The following DARS1 variants were observed in gnomAD, a reference collection of about 807,000 sequenced individuals.
DARS1 encodes the protein aspartate--tRNA ligase, cytoplasmic.
Under a neutral mutation model 68.8 loss-of-function variants are expected in DARS1, and 51 were observed. The observed-to-expected ratio is 0.74, with a 90% confidence interval of 0.59 to 0.94. The LOEUF (loss-of-function observed/expected upper bound fraction) is 0.94, where lower values mean the gene tolerates loss of function less well. DARS1 is among the 40% of genes least tolerant of loss of function. DARS1 has a pLI of 0.00. For missense variants in DARS1, 607 were observed against 597.3 expected, an observed-to-expected ratio of 1.02 and a Z score of -0.17; for synonymous variants, 203 against 190.4, an observed-to-expected ratio of 1.07 and a Z score of -0.55.
Position 135,943,414 on chromosome 2 carries a change from G to A in DARS1, c.387C>T (p.Ser129=). ...GTAACTCAACGTCTTGCTGTGTACA[G>A]CTTCCAATTTTCTGATTCACTTTTC... is the stretch of plus-strand genomic sequence containing the variant. ...VVRKVNQKIG[S]CTQQDVELHV... The change falls in exon 5 of 16, where the codon AGC becomes AGT. Residue 129 remains serine (S), a synonymous_variant. Coordinates refer to ENST00000264161, the MANE Select transcript of DARS1 (RefSeq NM_001349.4). 1 of 1,613,614 alleles carries A rather than the reference G, an allele frequency of 6.2e-7. No homozygotes were observed. Among genetic ancestry groups the A allele is most frequent in the Non-Finnish European group, 8.5e-7 (1 of 1,179,802 alleles).
chr2:135,961,739 A>G (rs1350951245), intron 3 of DARS1, among the ~76,000 whole-genome samples: 2 of 152,260 alleles, frequency 1.3e-5, no homozygotes, highest in Non-Finnish European at 2.9e-5. Flanking sequence ...TTGTTATAAG[A>G]ACACAGGCAA....
At position 135,911,170 on chromosome 2, in the gene DARS1, A is replaced by G. The variant is rs748406263; in HGVS notation, c.1383T>C (p.Phe461=). ...CTCCACCAGCATGAGGAGGGGCTCC[A>G]AAGCGGAAGGAATCAATGTAAGCCT... ...KIKAYIDSFR[F]GAPPHAGGGI... The change falls in exon 15 of 16, where the codon TTT becomes TTC. Residue 461 remains phenylalanine, a synonymous_variant. Transcript: ENST00000264161. The G allele has an allele frequency of 1.9e-6, 3 of 1,552,242 alleles. No individual in the cohort carries two copies. Among genetic ancestry groups the G allele is most frequent in the Non-Finnish European group, 2.7e-6 (3 of 1,124,068 alleles).
At chr2:135,950,164 G>A (rs1420394312) in intron 4 of DARS1, among the ~76,000 whole-genome samples, 1 of 152,084 alleles carries the variant, frequency 6.6e-6, no homozygotes, top group African/African-American at 2.4e-5. Flanking sequence ...CTCCCACTTT[G>A]TTGTGTATGA....
chr2:135,929,355 G>A (rs1263793727), intron 7 of DARS1, among the ~76,000 whole-genome samples: 1 of 152,094 alleles, frequency 6.6e-6, no homozygotes, highest in Non-Finnish European at 1.5e-5. Flanking sequence ...TCTTAAACTT[G>A]TCTTTTGCCT....
intron 12 of DARS1, 48 bp from the exon 13 acceptor site, chr2:135,912,614 T>C (rs1247494973): frequency 2.8e-6 from 2 of 713,522 alleles, no homozygotes; most frequent in Non-Finnish European, 4.8e-6. Flanking sequence ...AAAAGTAAAA[T>C]GGCTAACATT....
At chr2:135,913,995 TAAA>T (rs1680949849) in intron 12 of DARS1, among the ~76,000 whole-genome samples, 1 of 152,212 alleles carries the variant, frequency 6.6e-6, no homozygotes, top group Non-Finnish European at 1.5e-5. Flanking sequence ...ATCATTATCT[TAAA>T]AATTTTAAAA....
chr2:135,947,192 G>A (rs1198982046), intron 4 of DARS1, among the ~76,000 whole-genome samples: 1 of 152,128 alleles, frequency 6.6e-6, no homozygotes, highest in African/African-American at 2.4e-5. Context: ...GATGACCTGA[G>A]GTCAGGAGTT....
At chr2:135,941,795 A>T (rs1272339976) in intron 5 of DARS1, among the ~76,000 whole-genome samples, 2 of 152,170 alleles carry the variant, frequency 1.3e-5, no homozygotes, top group African/African-American at 4.8e-5. Context: ...TCTACAATGA[A>T]CTCCAACAAA....
At chr2:135,970,252 C>CAAA (rs1217937806) in intron 3 of DARS1, among the ~76,000 whole-genome samples, 74 of 48,934 alleles carry the variant, frequency 1.5e-3, no homozygotes, top group African/African-American at 2.7e-3. Context: ...GACCCTGTCT[C>CAAA]AAAAAAAAAA....
At chr2:135,974,956 C>T (rs1682462148) in intron 3 of DARS1, among the ~76,000 whole-genome samples, 1 of 151,804 alleles carries the variant, frequency 6.6e-6, no homozygotes, top group Non-Finnish European at 1.5e-5. Context: ...CAAATTAAAG[C>T]AACAATGGAT....
In DARS1 at chr2:135,943,381, C is replaced by T. The variant is rs2104819276; in HGVS notation, c.420G>A (p.Gln140=). 6.2e-7 allele frequency: 1 copy of T among 1,610,006 alleles called. No individual in the cohort carries two copies. Among genetic ancestry groups the T allele is most frequent in the South Asian group, 1.1e-5 (1 of 90,314 alleles). The change falls in exon 5 of 16, where the codon CAG becomes CAA. Residue 140 remains glutamine, a synonymous_variant. Transcript: ENST00000264161. ...CTQQDVELHV[Q]KIYVISLAEP... The stretch of plus-strand genomic sequence containing the variant: ...TTTATATTTTGAAAAAACTTACCTT[C>T]TGAACATGTAACTCAACGTCTTGCT...
intron 2 of DARS1, among the ~76,000 whole-genome samples, chr2:135,979,914 T>A (rs1016733909): frequency 6.6e-6 from 1 of 152,192 alleles, no homozygotes; most frequent in African/African-American, 2.4e-5. Flanking sequence ...GGACTAAATA[T>A]ACAGATGCTG....
At chr2:135,941,195 A>T (rs1681587657) in intron 5 of DARS1, among the ~76,000 whole-genome samples, 1 of 152,250 alleles carries the variant, frequency 6.6e-6, no homozygotes, top group Non-Finnish European at 1.5e-5. Context: ...AAGAGCCTGC[A>T]TTGCGAAGAC....
chr2:135,977,689 CAA>C (rs1316566944), intron 3 of DARS1, among the ~76,000 whole-genome samples: 1 of 152,128 alleles, frequency 6.6e-6, no homozygotes, highest in Non-Finnish European at 1.5e-5. Flanking sequence ...GTACTCTTCT[CAA>C]AGTCTGTCAG....
intron 4 of DARS1, among the ~76,000 whole-genome samples, chr2:135,947,912 T>G (rs752808614): frequency 1.3e-5 from 2 of 152,144 alleles, no homozygotes; most frequent in African/African-American, 2.4e-5. Context: ...CATACTACCT[T>G]CCCCAGTAAC....
intron 10 of DARS1, among the ~76,000 whole-genome samples, 165 bp from the exon 11 acceptor site, chr2:135,916,537 C>T (rs1011788022): frequency 2.6e-5 from 4 of 152,162 alleles, no homozygotes; most frequent in African/African-American, 7.2e-5. Context: ...AAATATTTAA[C>T]ACCATTTTTC....
At chr2:135,968,191 C>T (rs1682280902) in intron 3 of DARS1, among the ~76,000 whole-genome samples, 1 of 152,088 alleles carries the variant, frequency 6.6e-6, no homozygotes, top group Non-Finnish European at 1.5e-5. Context: ...TTGAACCCGG[C>T]AGGTGGAGGT....
intron 12 of DARS1, 106 bp downstream of exon 12, chr2:135,914,363 C>T: frequency 1.4e-6 from 1 of 725,972 alleles, no homozygotes; most frequent in Non-Finnish European, 2.4e-6. Context: ...TTTATTTATT[C>T]CAGAATCATA....
Position 135,983,442 on chromosome 2 carries a change from CT to C in DARS1, c.78del (p.Glu27ArgfsTer8). 1 of 1,193,710 alleles carries C rather than the reference CT, an allele frequency of 8.4e-7. No homozygotes were observed. The highest frequency in any genetic ancestry group is 1.2e-6 in the Non-Finnish European group (1 of 805,764). 73.9% of individuals were successfully genotyped at this position (1,193,710 alleles called of 1,614,324 possible). A position where few individuals can be genotyped will look rare whatever the true frequency, so the allele number is the denominator to read the frequency against. On this transcript the variant is annotated frameshift_variant, in exon 2 of 16. Transcript: ENST00000264161. LOFTEE classifies it high-confidence loss of function. ...ATCATTGAAGATATTCCATATCTCT[CT>C]TTAGCATAATCCTACAAAAAAAGTT... ...EIMDAAEDYA[K>X]ERYGISSMIQ... is the part of the protein sequence containing the mutation.
Sources: gnomAD v4.1 joint callset for allele counts (sites outside exome capture counted in the v4.1 genomes callset) on GRCh38, gnomAD v4.1.1 for gene constraint, MANE v1.5 for transcripts, NCBI Gene and HGNC (gene_info 2026-07-23, HGNC 2026-07-21) for gene names.